ST18: variants seen among roughly 807,000 people sequenced by gnomAD.
ST18 encodes ST18 C2H2C-type zinc finger transcription factor, also known as suppression of tumorigenicity 18 protein.
In ST18, 50 loss-of-function variants were observed where a neutral mutation model predicts 110.0. That is an observed-to-expected ratio of 0.45 (90% confidence interval 0.36 to 0.58). The LOEUF (loss-of-function observed/expected upper bound fraction) is 0.58. Among genes scored for constraint, ST18 ranks in the 20% least tolerant of loss-of-function variants. The probability of loss-of-function intolerance (pLI) is 0.00; values close to 1 mark genes in which losing one functional copy is unlikely to be tolerated. For synonymous variants in ST18, 461 were observed against 452.4 expected, an observed-to-expected ratio of 1.02 and a Z score of -0.24; for missense variants, 1,306 against 1,280.1, an observed-to-expected ratio of 1.02 and a Z score of -0.31.
chr8:52,344,036 A>G (rs927148652), intron 2 of ST18, among the ~76,000 whole-genome samples: 2 of 152,230 alleles, frequency 1.3e-5, no homozygotes, highest in African/African-American at 4.8e-5. Context: ...TTATTATAAT[A>G]GCTGTAATTA....
At chr8:52,224,744 T>G (rs1192391282) in intron 3 of ST18, among the ~76,000 whole-genome samples, 1 of 152,236 alleles carries the variant, frequency 6.6e-6, no homozygotes, top group African/African-American at 2.4e-5. Context: ...CAGACTACTT[T>G]TCTTTATCAC....
chr8:52,336,782 C>G (rs1812294075), intron 2 of ST18, among the ~76,000 whole-genome samples: 1 of 152,184 alleles, frequency 6.6e-6, no homozygotes, highest in Admixed American at 6.5e-5. Context: ...ATGCTTGTGT[C>G]TGTTAATGAA....
At chr8:52,129,484 CCA>C (rs1373521139) in intron 22 of ST18, among the ~76,000 whole-genome samples, 2 of 148,838 alleles carry the variant, frequency 1.3e-5, no homozygotes, top group South Asian at 2.1e-4. Flanking sequence ...GAAAGAAATT[CCA>C]CACACAGAAA....
intron 8 of ST18, among the ~76,000 whole-genome samples, chr8:52,204,836 C>T (rs968948586): frequency 2.0e-5 from 3 of 152,172 alleles, no homozygotes; most frequent in Non-Finnish European, 4.4e-5. Flanking sequence ...GCCTTAGACT[C>T]TCAGCTCCTG....
At chr8:52,305,122 G>T (rs1233365938) in intron 2 of ST18, among the ~76,000 whole-genome samples, 1 of 152,102 alleles carries the variant, frequency 6.6e-6, no homozygotes, top group Non-Finnish European at 1.5e-5. Flanking sequence ...CTAGGGTCTG[G>T]CTCATGGACA....
At chr8:52,379,630 T>G (rs1833790007) in intron 2 of ST18, among the ~76,000 whole-genome samples, 1 of 152,064 alleles carries the variant, frequency 6.6e-6, no homozygotes, top group Non-Finnish European at 1.5e-5. Context: ...AAAAGGTATG[T>G]CACAAATACA....
chr8:52,292,255 G>A (rs2095567488), intron 2 of ST18, among the ~76,000 whole-genome samples: 1 of 152,188 alleles, frequency 6.6e-6, no homozygotes, highest in African/African-American at 2.4e-5. Context: ...TAATAATGCA[G>A]TGTCTCTTCA....
chr8:52,263,662 C>T (rs1589422494), intron 2 of ST18, among the ~76,000 whole-genome samples: 1 of 140,220 alleles, frequency 7.1e-6, no homozygotes. Flanking sequence ...CCAGGCTAGT[C>T]TTGAACTCCT....
intron 22 of ST18, 29 bp from the exon 23 acceptor site, chr8:52,126,169 T>G (rs1234536746): frequency 6.3e-7 from 1 of 1,585,842 alleles, no homozygotes; most frequent in Non-Finnish European, 8.6e-7. Flanking sequence ...TACTAATGTA[T>G]GAAATGTATA....
At chr8:52,219,273 G>A (rs2085680064) in intron 5 of ST18, among the ~76,000 whole-genome samples, 1 of 152,090 alleles carries the variant, frequency 6.6e-6, no homozygotes, top group Non-Finnish European at 1.5e-5. Flanking sequence ...TACTAAGAAT[G>A]TTTAAGTATG....
intron 2 of ST18, among the ~76,000 whole-genome samples, chr8:52,327,206 GAT>G (rs1236718432): frequency 6.6e-6 from 1 of 152,222 alleles, no homozygotes; most frequent in African/African-American, 2.4e-5. Flanking sequence ...ACGTTTTCCA[GAT>G]ATAGTCATCT....
At chr8:52,406,217 C>A (rs976605545) in intron 2 of ST18, 1 of 152,200 alleles carries the variant, frequency 6.6e-6, no homozygotes, top group African/African-American at 2.4e-5. Context: ...AGCAGAGGAA[C>A]CTTTCACAAA....
intron 8 of ST18, among the ~76,000 whole-genome samples, chr8:52,196,570 T>C (rs557314545): frequency 1.3e-5 from 2 of 152,180 alleles, no homozygotes; most frequent in East Asian, 1.9e-4. Flanking sequence ...TAGGTGAGTA[T>C]AGGACAATAG....
chr8:52,206,675 C>T (rs2080199707), intron 8 of ST18: 1 of 151,696 alleles, frequency 6.6e-6, no homozygotes, highest in South Asian at 2.1e-4. Context: ...TCTTGAGTCC[C>T]TCTCAAAGTG....
At chr8:52,267,192 T>C (rs1047267558) in intron 2 of ST18, among the ~76,000 whole-genome samples, 4 of 151,898 alleles carry the variant, frequency 2.6e-5, no homozygotes, top group South Asian at 2.1e-4. Context: ...GTTTAGCAGG[T>C]AAGACCCTAG....
chr8:52,308,039 A>G (rs989298605), intron 2 of ST18, among the ~76,000 whole-genome samples: 1 of 152,204 alleles, frequency 6.6e-6, no homozygotes, highest in African/African-American at 2.4e-5. Context: ...TATCTCCCTG[A>G]TTCCTGCCAG....
At chr8:52,183,698 T>G (rs999483894) in intron 8 of ST18, among the ~76,000 whole-genome samples, 5 of 152,214 alleles carry the variant, frequency 3.3e-5, no homozygotes. Context: ...GGAACTGTCT[T>G]GGCTCCCAGC....
At chr8:52,289,771 C>T (rs1209058896) in intron 2 of ST18, among the ~76,000 whole-genome samples, 2 of 152,100 alleles carry the variant, frequency 1.3e-5, no homozygotes, top group South Asian at 2.1e-4. Context: ...TTCTCTTTGA[C>T]GTCCATCCCA....
chr8:52,226,879 T>G (rs1325999150), intron 3 of ST18, among the ~76,000 whole-genome samples: 1 of 152,232 alleles, frequency 6.6e-6, no homozygotes, highest in Non-Finnish European at 1.5e-5. Context: ...TTGATAGCTT[T>G]AGACATTTTC....
Sources: allele counts gnomAD v4.1 joint callset (sites outside exome capture counted in the v4.1 genomes callset), GRCh38; gene constraint gnomAD v4.1.1; transcripts MANE v1.5; gene names NCBI Gene and HGNC (gene_info 2026-07-23, HGNC 2026-07-21).